The following LRP1B variants were observed in gnomAD, a reference collection of about 807,000 sequenced individuals.
LRP1B encodes the protein low-density lipoprotein receptor-related protein 1B.
Under a neutral mutation model 556.6 loss-of-function variants are expected in LRP1B, and 217 were observed. The observed-to-expected ratio is 0.39, with a 90% CI of 0.35 to 0.44. The LOEUF is 0.44. Among genes scored for constraint, LRP1B ranks in the 20% least tolerant of loss-of-function variants. LRP1B has a pLI of 1.00. For synonymous variants in LRP1B, 2,047 were observed against 1,865.8 expected (o/e 1.10, Z -2.50); for missense variants, 5,053 against 5,620.8 (o/e 0.90, Z 3.23).
intron 2 of LRP1B, among the ~76,000 whole-genome samples, chr2:141,651,075 G>A (rs1026414774): frequency 1.3e-5 from 2 of 152,178 alleles, no homozygotes; most frequent in Non-Finnish European, 2.9e-5. Flanking sequence ...GCTAAAGTGA[G>A]ATTGGTCAAC....
chr2:141,726,745 G>C (rs919168113), intron 2 of LRP1B, among the ~76,000 whole-genome samples: 12 of 152,042 alleles, frequency 7.9e-5, no homozygotes, highest in Non-Finnish European at 1.8e-4. Flanking sequence ...TGGAATAACA[G>C]TATTATCAGA....
At chr2:140,957,251 G>A (rs1172222864) in intron 18 of LRP1B, among the ~76,000 whole-genome samples, 1 of 151,656 alleles carries the variant, frequency 6.6e-6, no homozygotes, top group Non-Finnish European at 1.5e-5. Context: ...TAAGGCACAT[G>A]AACAAGAGGA....
intron 5 of LRP1B, among the ~76,000 whole-genome samples, chr2:141,230,848 C>A (rs1224821737): frequency 6.6e-6 from 1 of 152,158 alleles, no homozygotes; most frequent in African/African-American, 2.4e-5. Flanking sequence ...AATCTTAAGC[C>A]CCTATACTTT....
intron 1 of LRP1B, among the ~76,000 whole-genome samples, chr2:141,877,401 A>G (rs1338689122): frequency 2.6e-5 from 4 of 151,962 alleles, no homozygotes; most frequent in Admixed American, 1.3e-4. Context: ...ATGAGTTTTT[A>G]TATCTGGGAA....
chr2:141,939,898 C>T (rs1223894357), intron 1 of LRP1B, among the ~76,000 whole-genome samples: 2 of 152,084 alleles, frequency 1.3e-5, no homozygotes, highest in Admixed American at 1.3e-4. Flanking sequence ...GTAAGTGGTG[C>T]TGAGACAAAT....
At chr2:140,261,106 TAAC>T (rs537808493) in intron 86 of LRP1B, among the ~76,000 whole-genome samples, 149 of 151,746 alleles carry the variant, frequency 9.8e-4, no homozygotes, top group African/African-American at 3.4e-3. Flanking sequence ...TTAACAGTGT[TAAC>T]AATAGGTTTT....
intron 7 of LRP1B, among the ~76,000 whole-genome samples, chr2:141,161,112 T>G (rs953070942): frequency 2.0e-5 from 3 of 152,120 alleles, no homozygotes; most frequent in African/African-American, 7.2e-5. Context: ...GAGATTTTCT[T>G]TCTTCTATCC....
intron 41 of LRP1B, among the ~76,000 whole-genome samples, chr2:140,680,192 A>T (rs1685813171): frequency 6.6e-6 from 1 of 152,098 alleles, no homozygotes; most frequent in African/African-American, 2.4e-5. Context: ...TAAAGATTAG[A>T]CAGAGATTAA....
chr2:140,531,538 T>C (rs978813244), intron 47 of LRP1B, among the ~76,000 whole-genome samples: 1 of 152,180 alleles, frequency 6.6e-6, no homozygotes, highest in Admixed American at 6.6e-5. Context: ...GCAGAGTAAC[T>C]TCCCAACATT....
At chr2:140,649,861 T>C (rs554070676) in intron 41 of LRP1B, among the ~76,000 whole-genome samples, 3 of 152,220 alleles carry the variant, frequency 2.0e-5, no homozygotes, top group Non-Finnish European at 4.4e-5. Flanking sequence ...TGGTTATAGT[T>C]TGGCAATAAA....
At chr2:141,318,751 G>A (rs534609619) in intron 3 of LRP1B, among the ~76,000 whole-genome samples, 20 of 152,184 alleles carry the variant, frequency 1.3e-4, no homozygotes, top group South Asian at 1.0e-3. Flanking sequence ...AATTAACCAT[G>A]AAGTCTCACC....
intron 16 of LRP1B, among the ~76,000 whole-genome samples, chr2:140,993,225 A>C (rs1002303561): frequency 2.0e-5 from 3 of 152,132 alleles, no homozygotes; most frequent in Non-Finnish European, 2.9e-5. Context: ...CTTAGGTCAG[A>C]TAAAAAGATC....
intron 42 of LRP1B, among the ~76,000 whole-genome samples, chr2:140,600,646 T>A (rs1682617809): frequency 6.6e-6 from 1 of 151,956 alleles, no homozygotes; most frequent in African/African-American, 2.4e-5. Flanking sequence ...GTTTACTCAT[T>A]TCATTTAAAA....
At chr2:141,171,800 T>C (rs988394549) in intron 7 of LRP1B, among the ~76,000 whole-genome samples, 19 of 152,072 alleles carry the variant, frequency 1.2e-4, no homozygotes, top group Admixed American at 5.9e-4. Context: ...GGAATGATAC[T>C]ACTCCATACC....
At chr2:141,822,188 A>G (rs1296489648) in intron 1 of LRP1B, among the ~76,000 whole-genome samples, 1 of 148,154 alleles carries the variant, frequency 6.7e-6, no homozygotes, top group Non-Finnish European at 1.5e-5. Flanking sequence ...TTTATTTAGC[A>G]AGAGACAAAG....
At chr2:140,453,487 A>C (rs1686964384) in intron 62 of LRP1B, among the ~76,000 whole-genome samples, 1 of 152,048 alleles carries the variant, frequency 6.6e-6, no homozygotes. Flanking sequence ...ATCATCATAA[A>C]ATAAACTGTA....
At chr2:140,498,365 A>C (rs566494531) in intron 55 of LRP1B, among the ~76,000 whole-genome samples, 4 of 151,982 alleles carry the variant, frequency 2.6e-5, no homozygotes, top group African/African-American at 9.6e-5. Flanking sequence ...TTTCTACTGT[A>C]TACATCATCA....
chr2:141,278,239 C>T (rs1685376030), intron 3 of LRP1B, among the ~76,000 whole-genome samples: 1 of 152,090 alleles, frequency 6.6e-6, no homozygotes, highest in African/African-American at 2.4e-5. Flanking sequence ...ATTGCTCAGT[C>T]CCAGGAAGAG....
At chr2:140,303,247 G>GTTAT (rs1344226409) in intron 83 of LRP1B, among the ~76,000 whole-genome samples, 1 of 151,312 alleles carries the variant, frequency 6.6e-6, no homozygotes, top group East Asian at 1.9e-4. Flanking sequence ...TTATTTGTTT[G>GTTAT]TTATTTATTT....
Sources: gnomAD v4.1 joint callset for allele counts (sites outside exome capture counted in the v4.1 genomes callset) on GRCh38, gnomAD v4.1.1 for gene constraint, MANE v1.5 for transcripts, NCBI Gene and HGNC (gene_info 2026-07-23, HGNC 2026-07-21) for gene names.